Variants in HYCC1 observed in about 807,000 individuals in gnomAD.
HYCC1 encodes the protein hyccin PI4KA lipid kinase complex subunit 1.
the HYCC1 span, among the ~76,000 whole-genome samples, chr7:22,908,409 G>C: frequency 6.6e-6 from 1 of 152,288 alleles, no homozygotes; most frequent in East Asian, 1.9e-4. Context: ...ACACAGACAC[G>C]ATTTGGCATT....
At chr7:22,968,159 C>T in the HYCC1 span, among the ~76,000 whole-genome samples, 1 of 152,226 alleles carries the variant, frequency 6.6e-6, no homozygotes, top group Non-Finnish European at 1.5e-5. Context: ...CCACTACAGA[C>T]TACATTTTCT....
the HYCC1 span, chr7:22,939,504 T>G: frequency 6.6e-6 from 1 of 152,228 alleles, no homozygotes; most frequent in South Asian, 2.1e-4. Context: ...TACCATGCTT[T>G]TACTAACAGA....
the HYCC1 span, among the ~76,000 whole-genome samples, chr7:22,979,541 G>C: frequency 1.3e-5 from 2 of 152,310 alleles, no homozygotes; most frequent in African/African-American, 4.8e-5. Context: ...GTGGCTGGAA[G>C]AAAGAATGAC....
chr7:22,993,474 G>A, the HYCC1 span, among the ~76,000 whole-genome samples: 2 of 152,106 alleles, frequency 1.3e-5, no homozygotes, highest in African/African-American at 4.8e-5. Flanking sequence ...CCATAGGGTG[G>A]CAGATGATAT....
the HYCC1 span, among the ~76,000 whole-genome samples, chr7:22,922,834 T>C: frequency 6.6e-6 from 1 of 152,186 alleles, no homozygotes; most frequent in African/African-American, 2.4e-5. Flanking sequence ...CATTTTATAA[T>C]GATAAAAGTG....
At chr7:23,001,536 T>A in the HYCC1 span, among the ~76,000 whole-genome samples, 1 of 152,310 alleles carries the variant, frequency 6.6e-6, no homozygotes, top group African/African-American at 2.4e-5. Flanking sequence ...TAAAATAAAT[T>A]GCTAGGGAAA....
the HYCC1 span, among the ~76,000 whole-genome samples, chr7:22,962,649 C>T: frequency 6.6e-6 from 1 of 151,486 alleles, no homozygotes; most frequent in Non-Finnish European, 1.5e-5. Context: ...ACTGAAGGGG[C>T]AGGACTACTG....
At chr7:22,905,307 C>T in the HYCC1 span, among the ~76,000 whole-genome samples, 6 of 151,202 alleles carry the variant, frequency 4.0e-5, no homozygotes, top group South Asian at 2.1e-4. Context: ...CAGGTTCAAG[C>T]GATTCTCCTG....
At chr7:23,002,066 TTGAC>T in the HYCC1 span, among the ~76,000 whole-genome samples, 1 of 149,204 alleles carries the variant, frequency 6.7e-6, no homozygotes, top group Non-Finnish European at 1.5e-5. Context: ...ACTATAAAAA[TTGAC>T]TGAACACAGC....
chr7:22,920,632 G>T, the HYCC1 span, among the ~76,000 whole-genome samples: 1 of 152,256 alleles, frequency 6.6e-6, no homozygotes, highest in African/African-American at 2.4e-5. Flanking sequence ...AGTTCTTCAG[G>T]CTGAAAGCAA....
At chr7:23,010,680 T>C in the HYCC1 span, among the ~76,000 whole-genome samples, 1 of 152,318 alleles carries the variant, frequency 6.6e-6, no homozygotes. Context: ...AGAAAAGCTG[T>C]TGAAATAAAT....
At chr7:22,927,526 G>A in the HYCC1 span, among the ~76,000 whole-genome samples, 1 of 152,066 alleles carries the variant, frequency 6.6e-6, no homozygotes, top group East Asian at 1.9e-4. Context: ...CCACAGAAAT[G>A]CAAACTACCA....
chr7:22,996,287 C>T, the HYCC1 span, among the ~76,000 whole-genome samples: 4 of 140,956 alleles, frequency 2.8e-5, no homozygotes, highest in Admixed American at 7.2e-5. Context: ...AGTGAGACTC[C>T]GTCTCAAAAA....
chr7:23,003,423 C>T, the HYCC1 span, among the ~76,000 whole-genome samples: 4 of 151,710 alleles, frequency 2.6e-5, no homozygotes, highest in Non-Finnish European at 5.9e-5. Flanking sequence ...AGAATATAAA[C>T]AATAAAATAA....
At chr7:23,007,422 A>G in the HYCC1 span, among the ~76,000 whole-genome samples, 1 of 152,158 alleles carries the variant, frequency 6.6e-6, no homozygotes, top group African/African-American at 2.4e-5. Context: ...TTCACCTCAC[A>G]AAGTTATATA....
chr7:22,968,694 C>T, the HYCC1 span, among the ~76,000 whole-genome samples: 1 of 151,988 alleles, frequency 6.6e-6, no homozygotes, highest in African/African-American at 2.4e-5. Flanking sequence ...TCACTAAAAG[C>T]AGACAATGTA....
the HYCC1 span, among the ~76,000 whole-genome samples, chr7:22,995,521 C>T: frequency 6.6e-6 from 1 of 152,110 alleles, no homozygotes; most frequent in African/African-American, 2.4e-5. Context: ...ACTCTTTATA[C>T]TCTTAAATAT....
the HYCC1 span, among the ~76,000 whole-genome samples, chr7:22,910,877 A>G: frequency 6.6e-6 from 1 of 151,370 alleles, no homozygotes; most frequent in African/African-American, 2.4e-5. Flanking sequence ...GTTCACTCAA[A>G]AAAAAAAACC....
At chr7:23,000,896 T>G in the HYCC1 span, among the ~76,000 whole-genome samples, 6 of 149,010 alleles carry the variant, frequency 4.0e-5, no homozygotes, top group South Asian at 8.6e-4. Flanking sequence ...AAAATTTAAC[T>G]AACTACTTGA....
Sources: gnomAD v4.1 joint callset for allele counts (sites outside exome capture counted in the v4.1 genomes callset) on GRCh38, gnomAD v4.1.1 for gene constraint, MANE v1.5 for transcripts, NCBI Gene and HGNC (gene_info 2026-07-23, HGNC 2026-07-21) for gene names.